SNAP91: variants seen among roughly 807,000 people sequenced by gnomAD.
SNAP91 encodes the protein clathrin coat assembly protein AP180.
A neutral mutation model predicts 100.3 loss-of-function variants in SNAP91; 27 were observed. The ratio of observed to expected loss-of-function variants is 0.27; its 90% CI spans 0.20 to 0.37. The LOEUF is 0.37. Among genes scored for constraint, SNAP91 ranks in the 10% least tolerant of loss-of-function variants. The probability of loss-of-function intolerance (pLI) is 1.00; values close to 1 mark genes in which losing one functional copy is unlikely to be tolerated. For missense variants in SNAP91, 986 were observed against 1,123.7 expected (o/e 0.88, Z 1.75); for synonymous variants, 404 against 398.6 (o/e 1.01, Z -0.16).
At position 83,667,596 on chromosome 6, in the gene SNAP91, A is replaced by C. The variant is rs903930173; in HGVS notation, c.131-2015T>G. 2.0e-5 allele frequency among the ~76,000 whole-genome samples: 3 copies of C among 151,968 alleles called. 1 individual carries two copies. In the South Asian group the frequency reaches 6.2e-4, roughly 31 times the overall value. On this transcript the variant is annotated intron_variant, in intron 2 of 29. Transcript: ENST00000369694. ...ACAGATTTATTATTATTTAAAAGTGAATTTTAAAAAACTGTCCCAGTTGTA... is the reference window on the plus strand; with the variant it reads ...ACAGATTTATTATTATTTAAAAGTGCATTTTAAAAAACTGTCCCAGTTGTA...
At chr6:83,590,973 G>T (rs971508969) in intron 22 of SNAP91, among the ~76,000 whole-genome samples, 4 of 152,078 alleles carry the variant, frequency 2.6e-5, no homozygotes, top group Non-Finnish European at 5.9e-5. Context: ...GGCAAGTACA[G>T]ATTTGTTACA....
chr6:83,633,192 G>A (rs1562436249), intron 8 of SNAP91, among the ~76,000 whole-genome samples: 2 of 152,198 alleles, frequency 1.3e-5, no homozygotes, highest in Non-Finnish European at 2.9e-5. Flanking sequence ...TCAGGCTCCA[G>A]GCTGGTACTG....
At chr6:83,609,514 A>G (rs891071940) in intron 12 of SNAP91, among the ~76,000 whole-genome samples, 7 of 152,202 alleles carry the variant, frequency 4.6e-5, no homozygotes, top group African/African-American at 1.7e-4. Flanking sequence ...TCTGGAAATC[A>G]CCAGTGCAGC....
intron 8 of SNAP91, among the ~76,000 whole-genome samples, chr6:83,636,753 A>C (rs1584998141): frequency 6.6e-6 from 1 of 152,286 alleles, no homozygotes; most frequent in Non-Finnish European, 1.5e-5. Context: ...GCATTGCCTA[A>C]GTTCTTGAGC....
intron 26 of SNAP91, among the ~76,000 whole-genome samples, chr6:83,564,755 C>T (rs980997982): frequency 6.6e-6 from 1 of 151,762 alleles, no homozygotes; most frequent in South Asian, 2.1e-4. Context: ...AAAAAACGAG[C>T]TCAAAATAGG....
At chr6:83,663,067 T>C (rs191486048) in intron 3 of SNAP91, among the ~76,000 whole-genome samples, 29 of 152,276 alleles carry the variant, frequency 1.9e-4, no homozygotes, top group Admixed American at 1.4e-3. Flanking sequence ...AATGTAATTG[T>C]TCTGAGTTGC....
chr6:83,618,814 T>G (rs1328834831), intron 9 of SNAP91, among the ~76,000 whole-genome samples: 1 of 151,946 alleles, frequency 6.6e-6, no homozygotes, highest in Non-Finnish European at 1.5e-5. Context: ...TTCTTTCCAG[T>G]TAGAAAACTT....
chr6:83,656,764 A>T lies in SNAP91; in HGVS notation c.648T>A (p.Ile216=). ...KLFACYNDGV[I]NLLEKFFEMK... ...GGTTGTTCCACCTACCGAGTAAGTT[A>T]ATAACACCATCATTGTAGCAAGCAA... The change falls in exon 7 of 30, where the codon ATT becomes ATA. Residue 216 remains isoleucine, a synonymous_variant. Coordinates refer to ENST00000369694, the MANE Select transcript of SNAP91 (RefSeq NM_001242792.2). The T allele has an allele frequency of 6.4e-7, 1 of 1,555,518 alleles. No homozygotes were observed. Among genetic ancestry groups the T allele is most frequent in the Non-Finnish European group, 8.8e-7 (1 of 1,131,662 alleles).
At chr6:83,621,521 C>A (rs1348584211) in intron 9 of SNAP91, among the ~76,000 whole-genome samples, 3 of 152,034 alleles carry the variant, frequency 2.0e-5, no homozygotes, top group Non-Finnish European at 2.9e-5. Flanking sequence ...AAACACACAT[C>A]TTAAATCATT....
chr6:83,567,216 A>T (rs1012101861), intron 26 of SNAP91, among the ~76,000 whole-genome samples: 4 of 152,172 alleles, frequency 2.6e-5, no homozygotes, highest in African/African-American at 9.6e-5. Flanking sequence ...TGGGTGAGTT[A>T]TCGCATCCAG....
intron 22 of SNAP91, among the ~76,000 whole-genome samples, chr6:83,590,064 T>C (rs2093500377): frequency 6.6e-6 from 1 of 152,148 alleles, no homozygotes; most frequent in South Asian, 2.1e-4. Flanking sequence ...TGACCCATGC[T>C]CTCGTCAGCC....
At chr6:83,600,281 G>A (rs1010475717) in intron 16 of SNAP91, among the ~76,000 whole-genome samples, 1 of 152,186 alleles carries the variant, frequency 6.6e-6, no homozygotes, top group African/African-American at 2.4e-5. Flanking sequence ...AGCATGGCAT[G>A]TAGCAGAGTG....
chr6:83,668,404 A>C (rs889496719), intron 2 of SNAP91, among the ~76,000 whole-genome samples: 2 of 152,222 alleles, frequency 1.3e-5, no homozygotes, highest in African/African-American at 4.8e-5. Flanking sequence ...AGCAATATTC[A>C]CAATAGCAAA....
chr6:83,678,958 A>AT, intron 2 of SNAP91: 1 of 1,006,214 alleles, frequency 9.9e-7, no homozygotes, highest in Non-Finnish European at 1.2e-6. Flanking sequence ...TGAAAAAAAA[A>AT]AATACAGCTG....
intron 20 of SNAP91, among the ~76,000 whole-genome samples, 196 bp from the exon 21 acceptor site, chr6:83,592,734 G>A (rs1387765197): frequency 6.6e-6 from 1 of 152,182 alleles, no homozygotes; most frequent in African/African-American, 2.4e-5. Context: ...ACTCCTTGAG[G>A]TCAGAGGTTT....
intron 24 of SNAP91, among the ~76,000 whole-genome samples, chr6:83,576,355 T>G (rs1192498891): frequency 6.6e-6 from 1 of 152,222 alleles, no homozygotes; most frequent in Non-Finnish European, 1.5e-5. Context: ...ACTTGGTTAG[T>G]AAATTGTTCT....
chr6:83,641,007 A>G, intron 8 of SNAP91, 89 bp downstream of exon 8: 1 of 697,988 alleles, frequency 1.4e-6, no homozygotes. Context: ...ATATACTGTG[A>G]CTCTCTTACA....
At chr6:83,697,504 AT>A (rs2099234749) in intron 2 of SNAP91, among the ~76,000 whole-genome samples, 2 of 151,972 alleles carry the variant, frequency 1.3e-5, no homozygotes, top group African/African-American at 2.4e-5. Context: ...AAAATCTAAC[AT>A]TTTTTTCAAA....
At chr6:83,611,854 G>A (rs1329323381) in intron 11 of SNAP91, among the ~76,000 whole-genome samples, 16 of 136,010 alleles carry the variant, frequency 1.2e-4, no homozygotes, top group South Asian at 2.5e-4. Context: ...CTGCCACCAC[G>A]CCCGGCTAAT....
Sources: gnomAD v4.1 joint callset for allele counts (sites outside exome capture counted in the v4.1 genomes callset) on GRCh38, gnomAD v4.1.1 for gene constraint, MANE v1.5 for transcripts, NCBI Gene and HGNC (gene_info 2026-07-23, HGNC 2026-07-21) for gene names.